Variants in NCK1 observed in about 807,000 individuals in gnomAD.
NCK1 encodes the protein SH2/SH3 adapter protein NCK1.
NCK1 carries 19 observed loss-of-function variants against 36.6 expected under a neutral mutation model. The ratio of observed to expected loss-of-function variants is 0.52; its 90% CI spans 0.36 to 0.76. The LOEUF (loss-of-function observed/expected upper bound fraction) is 0.76. NCK1 is among the 30% of genes least tolerant of loss of function. NCK1 has a pLI of 0.00. For synonymous variants in NCK1, 165 were observed against 156.0 expected (o/e 1.06, Z -0.43); for missense variants, 358 against 445.6 (o/e 0.80, Z 1.77).
At chr3:136,912,155 A>AT (rs1939841346) in intron 1 of NCK1, among the ~76,000 whole-genome samples, 7 of 101,730 alleles carry the variant, frequency 6.9e-5, no homozygotes, top group East Asian at 6.6e-4. Flanking sequence ...TTTAGCTATT[A>AT]TTTTTTCTTT....
intron 1 of NCK1, among the ~76,000 whole-genome samples, chr3:136,916,685 T>G (rs991347974): frequency 2.9e-4 from 44 of 152,160 alleles, no homozygotes; most frequent in Non-Finnish European, 8.8e-5. Context: ...ATATAATAAT[T>G]AGATTAGAAG....
intron 1 of NCK1, among the ~76,000 whole-genome samples, chr3:136,904,472 A>G (rs994519999): frequency 3.3e-5 from 5 of 152,134 alleles, no homozygotes; most frequent in African/African-American, 1.2e-4. Context: ...CATTTTGAAT[A>G]TATCATTTCA....
At position 136,869,502 on chromosome 3, in the gene NCK1, G is replaced by A. The variant is rs114284347; in HGVS notation, c.-19+7149G>A. Among the ~76,000 whole-genome samples, 1,516 of 152,246 alleles carry A rather than the reference G, an allele frequency of 1.0e-2. 31 individuals carry two copies. Among genetic ancestry groups the A allele is most frequent in the African/African-American group, 0.034 (1,411 of 41,538 alleles). On this transcript the variant is annotated intron_variant, in intron 1 of 3. Coordinates refer to ENST00000481752, the MANE Select transcript of NCK1 (RefSeq NM_001291999.2). ...AGGGGTTGCGGGGTTGTGAGATCCC[G>A]CCACTGCACTTTAGCCTGGGTGACA...
chr3:136,931,475 T>A (rs768792160), intron 2 of NCK1, among the ~76,000 whole-genome samples: 1 of 152,220 alleles, frequency 6.6e-6, no homozygotes. Flanking sequence ...GTAATTGTAA[T>A]GTGAAGACTC....
chr3:136,901,912 G>A (rs1056695677), intron 1 of NCK1, among the ~76,000 whole-genome samples: 12 of 151,928 alleles, frequency 7.9e-5, no homozygotes, highest in Non-Finnish European at 1.6e-4. Flanking sequence ...CTAATTTGGG[G>A]TTTGGTTCTA....
rs1277360481 is a variant in NCK1 at position 136,927,983 on chromosome 3, G to T, written c.-18-1G>T. On this transcript the variant is annotated splice_acceptor_variant, in intron 1 of 3. Coordinates refer to ENST00000481752, the MANE Select transcript of NCK1 (RefSeq NM_001291999.2). LOFTEE classifies it low-confidence loss of function (5UTR_SPLICE). ...TAAAAATATTTTCCATGTGTTTACA[G>T]TGCTGAAGCTGCTGAAAGATGGCAG... is the stretch of plus-strand genomic sequence containing the variant. 1 of 1,579,894 alleles carries T rather than the reference G, an allele frequency of 6.3e-7. No homozygotes were observed. Among genetic ancestry groups the T allele is most frequent in the South Asian group, 1.1e-5 (1 of 90,350 alleles).
rs1940509041 is a variant in NCK1, at chr3:136,935,563, T to C, written c.226+7336T>C. On this transcript the variant is annotated intron_variant, in intron 2 of 3. Coordinates refer to ENST00000481752, the MANE Select transcript of NCK1 (RefSeq NM_001291999.2). ...TGGGTCGACTGAGGGAGAAACTGAATTAATAAGGAAACTAGTTTAGTGGGG... is the reference window on the plus strand; with the variant it reads ...TGGGTCGACTGAGGGAGAAACTGAACTAATAAGGAAACTAGTTTAGTGGGG... 2.6e-5 allele frequency among the ~76,000 whole-genome samples: 4 copies of C among 152,150 alleles called. No individual in the cohort carries two copies. In the South Asian group the frequency reaches 8.3e-4, roughly 32 times the overall value.
intron 1 of NCK1, among the ~76,000 whole-genome samples, chr3:136,867,202 C>CCCTT (rs368795229): frequency 4.8e-5 from 5 of 103,098 alleles, no homozygotes; most frequent in Non-Finnish European, 6.0e-5. Context: ...TCTTTCTTTT[C>CCCTT]CCTTCCTTCC....
chr3:136,938,532 T>G (rs1475083812), intron 2 of NCK1, among the ~76,000 whole-genome samples: 1 of 152,186 alleles, frequency 6.6e-6, no homozygotes, highest in Non-Finnish European at 1.5e-5. Flanking sequence ...CCACATTTTT[T>G]GCATTTTTGT....
intron 2 of NCK1, chr3:136,928,737 A>G (rs1170525771): frequency 6.5e-6 from 1 of 152,874 alleles, no homozygotes; most frequent in African/African-American, 2.4e-5. Flanking sequence ...TATTTCTCCA[A>G]AGTTTTTGTT....
chr3:136,922,202 T>G (rs1376068459), intron 1 of NCK1, among the ~76,000 whole-genome samples: 1 of 152,182 alleles, frequency 6.6e-6, no homozygotes, highest in Non-Finnish European at 1.5e-5. Flanking sequence ...GTGGTACAAA[T>G]TAGGCCCACC....
chr3:136,939,864 AAAT>A (rs1940626189), intron 2 of NCK1, among the ~76,000 whole-genome samples: 1 of 5,918 alleles, frequency 1.7e-4, no homozygotes, highest in Admixed American at 8.2e-4. Flanking sequence ...TTTTTTTTTA[AAAT>A]AGAGACAGGG....
At chr3:136,900,015 C>G (rs1262933983) in intron 1 of NCK1, 3 of 642,918 alleles carry the variant, frequency 4.7e-6, no homozygotes, top group South Asian at 3.3e-5. Flanking sequence ...ATCATCATCA[C>G]TGTCAGAGTC....
chr3:136,900,133 G>A (rs1204436061), intron 1 of NCK1: 1 of 341,750 alleles, frequency 2.9e-6, no homozygotes, highest in East Asian at 7.1e-5. Context: ...CTGTAGTGGT[G>A]GTTTCAGTTC....
intron 1 of NCK1, among the ~76,000 whole-genome samples, chr3:136,879,662 A>G (rs970804436): frequency 3.3e-5 from 5 of 152,186 alleles, no homozygotes; most frequent in Admixed American, 6.5e-5. Context: ...CATGTACACC[A>G]TGGAATACTA....
rs944647598 is a variant in NCK1, at chr3:136,862,266, C to A, written c.-106C>A. On this transcript the variant is annotated 5_prime_UTR_variant, in exon 1 of 4. Transcript: ENST00000481752. ...CGCGGCGGCGGCGGAGCGCAGGCCT[C>A]GTGCCGTTACGGCCATCACGGCGGC... 6.6e-6 allele frequency: 1 copy of A among 152,620 alleles called. No homozygotes were observed. Among genetic ancestry groups the A allele is most frequent in the African/African-American group, 2.4e-5 (1 of 41,434 alleles). 9.5% of individuals were successfully genotyped at this position (152,620 alleles called of 1,614,324 possible).
intron 1 of NCK1, among the ~76,000 whole-genome samples, chr3:136,867,034 C>G (rs899286800): frequency 2.7e-5 from 4 of 149,108 alleles, no homozygotes; most frequent in African/African-American, 7.4e-5. Flanking sequence ...TTTCCTGTTC[C>G]CTATGTTGCT....
chr3:136,930,418 A>G, intron 2 of NCK1: 1 of 1,229,734 alleles, frequency 8.1e-7, no homozygotes, highest in Non-Finnish European at 1.0e-6. Flanking sequence ...AGCCTCAGAA[A>G]AATTTTCTAT....
chr3:136,912,162 C>CT (rs57596314), intron 1 of NCK1, among the ~76,000 whole-genome samples: 26,056 of 127,214 alleles, frequency 0.2, 3,548 homozygotes, highest in African/African-American at 0.26. Flanking sequence ...ATTATTTTTT[C>CT]TTTTTTTTTT....
Sources: allele counts gnomAD v4.1 joint callset (sites outside exome capture counted in the v4.1 genomes callset), GRCh38; gene constraint gnomAD v4.1.1; transcripts MANE v1.5; gene names NCBI Gene and HGNC (gene_info 2026-07-23, HGNC 2026-07-21).